Variants in PDGFC observed in about 807,000 individuals in gnomAD.
PDGFC encodes platelet derived growth factor C, also known as platelet-derived growth factor C.
A neutral mutation model predicts 35.5 loss-of-function variants in PDGFC; 12 were observed. That is an observed-to-expected ratio of 0.34 (90% CI 0.22 to 0.55). The LOEUF (loss-of-function observed/expected upper bound fraction) is 0.55, where lower values mean the gene tolerates loss of function less well. Ranked by LOEUF, PDGFC falls within the 20% of genes least tolerant of loss-of-function variation. The probability of loss-of-function intolerance (pLI) is 0.91; values close to 1 mark genes in which losing one functional copy is unlikely to be tolerated. For synonymous variants in PDGFC, 159 were observed against 148.8 expected (o/e 1.07, Z -0.50); for missense variants, 322 against 412.4 (o/e 0.78, Z 1.90).
chr4:156,956,135 C>T (rs1040443893), intron 1 of PDGFC, among the ~76,000 whole-genome samples: 2 of 152,006 alleles, frequency 1.3e-5, no homozygotes, highest in Non-Finnish European at 2.9e-5. Context: ...ACAACACGCA[C>T]TTTTGTGTAT....
chr4:156,851,930 C>CAAA (rs61505882), intron 1 of PDGFC, among the ~76,000 whole-genome samples: 19 of 47,850 alleles, frequency 4.0e-4, no homozygotes, highest in African/African-American at 1.0e-3. Flanking sequence ...GACTCCATCT[C>CAAA]AAAAAAAAAA....
chr4:156,843,942 A>T (rs180721267), intron 2 of PDGFC, among the ~76,000 whole-genome samples: 47 of 152,218 alleles, frequency 3.1e-4, no homozygotes, highest in African/African-American at 1.1e-3. Flanking sequence ...ACTACCTAAT[A>T]CTACTGAACT....
rs1490360730 is a variant in PDGFC, at chr4:156,850,359, T to C, written c.176A>G (p.His59Arg). Reference sequence around the variant, plus strand: ...ATAAGTATGAGGAAACCTTGGGCTGTGAATACTTCCATTAGTAGACACAGT... The same window carrying C: ...ATAAGTATGAGGAAACCTTGGGCTGCGAATACTTCCATTAGTAGACACAGT... Reference protein sequence around the residue: ...IITVSTNGSIHSPRFPHTYPR... With the variant: ...IITVSTNGSIRSPRFPHTYPR... The change falls in exon 2 of 6, where the codon CAC becomes CGC. Residue 59 changes from histidine (H) to arginine (R), a missense_variant. Coordinates refer to ENST00000502773, the MANE Select transcript of PDGFC (RefSeq NM_016205.3). 1.2e-6 allele frequency: 2 copies of C among 1,608,714 alleles called. No individual in the cohort carries two copies. The highest frequency in any genetic ancestry group is 1.1e-5 in the South Asian group (1 of 90,418).
At chr4:156,867,223 A>G (rs1264625774) in intron 1 of PDGFC, among the ~76,000 whole-genome samples, 2 of 152,230 alleles carry the variant, frequency 1.3e-5, no homozygotes, top group Non-Finnish European at 2.9e-5. Flanking sequence ...TCTAGATTTT[A>G]TAATTACATA....
chr4:156,953,003 A>G (rs1263760948), intron 1 of PDGFC, among the ~76,000 whole-genome samples: 1 of 152,062 alleles, frequency 6.6e-6, no homozygotes, highest in Non-Finnish European at 1.5e-5. Context: ...ACACCAAGGG[A>G]AATCTTAATA....
At chr4:156,781,679 AG>A (rs1291202598) in intron 3 of PDGFC, among the ~76,000 whole-genome samples, 1 of 152,016 alleles carries the variant, frequency 6.6e-6, no homozygotes, top group African/African-American at 2.4e-5. Context: ...TCTTCAGGGT[AG>A]GGGAGGCATA....
intron 1 of PDGFC, among the ~76,000 whole-genome samples, chr4:156,895,633 G>GAAAA (rs77576325): frequency 2.6e-5 from 3 of 115,972 alleles, no homozygotes; most frequent in African/African-American, 6.5e-5. Flanking sequence ...CTCTGTCTCA[G>GAAAA]AAAAAAAAAA....
chr4:156,823,843 A>G (rs74783965), intron 2 of PDGFC, among the ~76,000 whole-genome samples: 4,686 of 152,314 alleles, frequency 0.031, 102 homozygotes, highest in Middle Eastern at 0.048. Flanking sequence ...GTGTCCATCA[A>G]CGAATAAATG....
chr4:156,803,397 G>C (rs1731668738), intron 3 of PDGFC, among the ~76,000 whole-genome samples: 1 of 152,114 alleles, frequency 6.6e-6, no homozygotes, highest in African/African-American at 2.4e-5. Context: ...AATGAATTTG[G>C]ATTTGATATA....
chr4:156,954,589 A>T (rs1283603079), intron 1 of PDGFC, among the ~76,000 whole-genome samples: 2 of 152,004 alleles, frequency 1.3e-5, no homozygotes, highest in Non-Finnish European at 2.9e-5. Flanking sequence ...CTTTATCCTA[A>T]AGTTCCCTGT....
chr4:156,822,623 C>T (rs1276259276), intron 2 of PDGFC, among the ~76,000 whole-genome samples: 1 of 152,174 alleles, frequency 6.6e-6, no homozygotes, highest in Admixed American at 6.5e-5. Context: ...TCAAACACAG[C>T]CCCATCTGGT....
chr4:156,762,891 G>T lies in PDGFC; in HGVS notation c.*199C>A, dbSNP rs1368611466. The T allele has an allele frequency of 2.0e-6, 1 of 494,994 alleles. No homozygotes were observed. Among genetic ancestry groups the T allele is most frequent in the Non-Finnish European group, 3.6e-6 (1 of 275,202 alleles). 30.7% of individuals were successfully genotyped at this position (494,994 alleles called of 1,614,324 possible). A position where few individuals can be genotyped will look rare whatever the true frequency, so the allele number is the denominator to read the frequency against. ...GAAGACCTTTTCTCCTGTCCTTTAG[G>T]CCTCCTCTCAAAAGAGCTGTTGCAC... On this transcript the variant is annotated 3_prime_UTR_variant, in exon 6 of 6. Coordinates refer to ENST00000502773, the MANE Select transcript of PDGFC (RefSeq NM_016205.3).
At chr4:156,769,184 A>G (rs1184464979) in intron 4 of PDGFC, among the ~76,000 whole-genome samples, 1 of 151,846 alleles carries the variant, frequency 6.6e-6, no homozygotes, top group East Asian at 1.9e-4. Flanking sequence ...TATGGATAAC[A>G]CAGACATGAA....
intron 5 of PDGFC, 39 bp from the exon 6 acceptor site, chr4:156,763,245 C>G: frequency 2.0e-6 from 2 of 999,000 alleles, no homozygotes; most frequent in East Asian, 4.8e-5. Flanking sequence ...TAAAAATCAA[C>G]GAATGTCTAT....
At chr4:156,797,612 T>C (rs1731480497) in intron 3 of PDGFC, among the ~76,000 whole-genome samples, 1 of 152,196 alleles carries the variant, frequency 6.6e-6, no homozygotes, top group Non-Finnish European at 1.5e-5. Flanking sequence ...GCTGATGAGC[T>C]ACAATAATGA....
intron 1 of PDGFC, among the ~76,000 whole-genome samples, chr4:156,965,094 G>C (rs1732434526): frequency 6.6e-6 from 1 of 152,144 alleles, no homozygotes; most frequent in Non-Finnish European, 1.5e-5. Flanking sequence ...TCTTTATCAA[G>C]AGTAAAACGT....
chr4:156,872,603 TG>T (rs1730011490), intron 1 of PDGFC, among the ~76,000 whole-genome samples: 1 of 152,222 alleles, frequency 6.6e-6, no homozygotes, highest in Admixed American at 6.5e-5. Context: ...AATTAAAGTA[TG>T]TTTTTAAGTT....
chr4:156,903,861 G>A (rs141691910), intron 1 of PDGFC, among the ~76,000 whole-genome samples: 2,490 of 152,202 alleles, frequency 0.016, 74 homozygotes, highest in African/African-American at 0.057. Context: ...TAGTTTGGCA[G>A]GAAGAGGAAA....
At chr4:156,826,361 CCCAA>C (rs1732480147) in intron 2 of PDGFC, among the ~76,000 whole-genome samples, 1 of 151,498 alleles carries the variant, frequency 6.6e-6, no homozygotes, top group Non-Finnish European at 1.5e-5. Flanking sequence ...TGCCACCTCG[CCCAA>C]CTAATTTTTG....
Sources: gnomAD v4.1 joint callset for allele counts (sites outside exome capture counted in the v4.1 genomes callset) on GRCh38, gnomAD v4.1.1 for gene constraint, MANE v1.5 for transcripts, NCBI Gene and HGNC (gene_info 2026-07-23, HGNC 2026-07-21) for gene names.